Variants in GABRE observed in about 807,000 individuals in gnomAD.
The protein encoded by GABRE is gamma-aminobutyric acid receptor subunit epsilon.
GABRE carries 20 observed loss-of-function variants against 31.0 expected under a neutral mutation model. The ratio of observed to expected loss-of-function variants is 0.64; its 90% CI spans 0.45 to 0.94. The LOEUF is 0.94. GABRE is among the 40% of genes least tolerant of loss of function. The probability of loss-of-function intolerance (pLI) is 0.00; values close to 1 mark genes in which losing one functional copy is unlikely to be tolerated. For synonymous variants in GABRE, 155 were observed against 150.6 expected, an observed-to-expected ratio of 1.03 and a Z score of -0.21; for missense variants, 420 against 410.7, an observed-to-expected ratio of 1.02 and a Z score of -0.20.
intron 6 of GABRE, chrX:151,959,554 T>C: frequency 2.4e-6 from 1 of 416,306 alleles, no homozygotes; most frequent in African/African-American, 2.4e-5. Flanking sequence ...CTGAAGGGTC[T>C]GCATGAAAAA....
At chrX:151,960,785 G>T (rs1285817860) in intron 5 of GABRE, among the ~76,000 whole-genome samples, 1 of 111,571 alleles carries the variant, frequency 9.0e-6, no homozygotes, top group African/African-American at 3.3e-5. Flanking sequence ...GATAGAGACT[G>T]GGAGGAAACA....
At position 151,970,373 on chromosome X, in the gene GABRE, T is replaced by C; in HGVS notation, c.86A>G (p.Asn29Ser). 1 of 1,211,142 alleles carries C rather than the reference T, an allele frequency of 8.3e-7. No homozygotes were observed. The highest frequency in any genetic ancestry group is 1.1e-6 in the Non-Finnish European group (1 of 895,401). ...RVEGPQTESK[N>S]EASSRDVVYG... Reference sequence around the variant, plus strand: ...GACAACATCACGGGAAGAGGCTTCATTCTTTGATTCAGTCTGAGGTCCCTC... The same window carrying C: ...GACAACATCACGGGAAGAGGCTTCACTCTTTGATTCAGTCTGAGGTCCCTC... Residue 29 changes from asparagine to serine, a missense_variant, in exon 2 of 9, where the codon AAT becomes AGT. Physicochemically the swap from Asn to Ser is conservative, Grantham distance 46 (BLOSUM62 1). Coordinates refer to ENST00000370328, the MANE Select transcript of GABRE (RefSeq NM_004961.4).
intron 3 of GABRE, chrX:151,969,380 GAAGAA>G (rs1233454941): frequency 1.4e-5 from 3 of 220,552 alleles, no homozygotes; most frequent in Non-Finnish European, 2.4e-5. Flanking sequence ...ATAATTATCA[GAAGAA>G]AAGAGGCAGT....
chrX:151,955,841 C>T lies in GABRE; in HGVS notation c.804G>A (p.Thr268=), dbSNP rs1934150263. The change falls in exon 7 of 9, where the codon ACG becomes ACA. Residue 268 remains threonine (T), a synonymous_variant. Coordinates refer to ENST00000370328, the MANE Select transcript of GABRE (RefSeq NM_004961.4). ...TTPVGDFMVM[T]IFFNVSRRFG... ...ACCGCCTGCTCACATTGAAGAAAAT[C>T]GTCATGACCATGAAGTCACCTGAAA... 4 of 1,211,803 alleles carry T rather than the reference C, an allele frequency of 3.3e-6. No homozygotes were observed. The highest frequency in any genetic ancestry group is 2.2e-5 in the Admixed American group (1 of 46,075).
rs5970170 is a variant in GABRE at position 151,953,776 on chromosome X, T to C, written c.*925A>G. 0.13 allele frequency: 14,376 copies of C among 110,826 alleles called. 709 individuals are homozygous for C. The highest frequency in any genetic ancestry group is 0.18 in the South Asian group (472 of 2,593). 9.1% of individuals were successfully genotyped at this position (110,826 alleles called of 1,213,427 possible). ...TGGGTGGGCACCAATCAATGGCGAG[T>C]AATGCCTGTTGCAAAGCCGAGTTTC... is the stretch of plus-strand genomic sequence containing the variant. On this transcript the variant is annotated 3_prime_UTR_variant, in exon 9 of 9. Transcript: ENST00000370328.
chrX:151,969,854 G>C, intron 2 of GABRE, 118 bp from the exon 3 acceptor site: 1 of 1,109,060 alleles, frequency 9.0e-7, no homozygotes, highest in East Asian at 3.1e-5. Flanking sequence ...CACAGTTTCA[G>C]CATCTAATCC....
At chrX:151,968,449 G>A (rs1408701436) in intron 3 of GABRE, among the ~76,000 whole-genome samples, 1 of 112,489 alleles carries the variant, frequency 8.9e-6, no homozygotes, top group Non-Finnish European at 1.9e-5. Flanking sequence ...CTCATGGTTT[G>A]GGAGTGGGGA....
chrX:151,970,828 C>T (rs974828273), intron 1 of GABRE, among the ~76,000 whole-genome samples: 4 of 111,968 alleles, frequency 3.6e-5, no homozygotes, highest in African/African-American at 1.3e-4. Flanking sequence ...AAAGCCAGAG[C>T]GGCCTCTCCC....
chrX:151,965,949 T>C (rs964913252), intron 3 of GABRE, among the ~76,000 whole-genome samples: 11 of 112,162 alleles, frequency 9.8e-5, no homozygotes, highest in African/African-American at 3.6e-4. Context: ...ACAAATGTCT[T>C]CCAAGTGTTT....
chrX:151,964,696 T>C (rs188908441), intron 3 of GABRE, among the ~76,000 whole-genome samples: 143 of 111,832 alleles, frequency 1.3e-3, no homozygotes, highest in African/African-American at 4.4e-3. Context: ...ACAGTGGAGT[T>C]TCCCCTTTCA....
intron 2 of GABRE, 89 bp downstream of exon 2, chrX:151,970,096 C>A: frequency 8.6e-7 from 1 of 1,166,831 alleles, no homozygotes; most frequent in South Asian, 2.0e-5. Flanking sequence ...AGCATGGCAC[C>A]CTCTGTTACT....
chrX:151,954,605 C>CCTG lies in GABRE; in HGVS notation c.*93_*95dup. ...TGGGGCAGGAAAAACTCTAGTCGCTCCTGCTGCTGCTGCTGCTTTCCCCCA... is the reference window on the plus strand; with the variant it reads ...TGGGGCAGGAAAAACTCTAGTCGCTCCTGCTGCTGCTGCTGCTGCTTTCCCCCA... On this transcript the variant is annotated 3_prime_UTR_variant, in exon 9 of 9. Transcript: ENST00000370328. 5 of 643,542 alleles carry CCTG rather than the reference C, an allele frequency of 7.8e-6. No individual in the cohort carries two copies. Among genetic ancestry groups the CCTG allele is most frequent in the Admixed American group, 3.9e-5 (1 of 25,423 alleles). 53.0% of individuals were successfully genotyped at this position (643,542 alleles called of 1,213,427 possible). A position where few individuals can be genotyped will look rare whatever the true frequency, so the allele number is the denominator to read the frequency against.
At chrX:151,960,119 T>C (rs1934315125) in intron 5 of GABRE, 143 bp from the exon 6 acceptor site, 1 of 518,541 alleles carries the variant, frequency 1.9e-6, no homozygotes, top group Non-Finnish European at 3.1e-6. Flanking sequence ...TCTTACCTCA[T>C]TGTTGAAGTC....
chrX:151,962,583 C>T lies in GABRE; in HGVS notation c.403G>A (p.Asp135Asn), dbSNP rs887036619. The change falls in exon 4 of 9, where the codon GAC (aspartate) becomes AAC (asparagine). Residue 135 changes from aspartate (D) to asparagine (N), a missense_variant. Coordinates refer to ENST00000370328, the MANE Select transcript of GABRE (RefSeq NM_004961.4). ...TTCAGAACAAGAGACTCAAAGGTGTCGTTGTAACAGAGGCGTTCGTCGTAC... is the reference window on the plus strand; with the variant it reads ...TTCAGAACAAGAGACTCAAAGGTGTTGTTGTAACAGAGGCGTTCGTCGTAC... ...TWYDERLCYN[D>N]TFESLVLNGN... 8.3e-6 allele frequency: 10 copies of T among 1,209,295 alleles called. No individual in the cohort carries two copies. The highest frequency in any genetic ancestry group is 3.0e-5 in the East Asian group (1 of 33,724).
intron 5 of GABRE, among the ~76,000 whole-genome samples, chrX:151,960,520 A>G (rs1157349331): frequency 8.9e-6 from 1 of 111,981 alleles, no homozygotes; most frequent in Non-Finnish European, 1.9e-5. Flanking sequence ...TGAGGTGCAC[A>G]GGATTGGGTG....
At chrX:151,958,407 T>C (rs1199477064) in intron 6 of GABRE, 1 of 267,888 alleles carries the variant, frequency 3.7e-6, no homozygotes, top group Non-Finnish European at 6.9e-6. Flanking sequence ...ACTGGAAGAG[T>C]TTGAGACCAG....
chrX:151,969,075 A>G (rs1421371575), intron 3 of GABRE, among the ~76,000 whole-genome samples: 3 of 112,349 alleles, frequency 2.7e-5, no homozygotes, highest in Non-Finnish European at 5.6e-5. Flanking sequence ...GTCTGGGAAC[A>G]CCAATATTCT....
At position 151,955,128 on chromosome X, in the gene GABRE, T is replaced by G. The variant is rs202234002; in HGVS notation, c.1138-44A>C. 1.9e-4 allele frequency: 230 copies of G among 1,187,215 alleles called. No homozygotes were observed. The African/African-American group carries it at 3.9e-3, about 20-fold the overall frequency. Reference sequence around the variant, plus strand: ...GAAGTGGGGAAAAGTCAAGGGAAGATAACCCAAGTCTAAGTGCTGCCTCCG... The same window carrying G: ...GAAGTGGGGAAAAGTCAAGGGAAGAGAACCCAAGTCTAAGTGCTGCCTCCG... On this transcript the variant is annotated intron_variant, in intron 8 of 8. Coordinates refer to ENST00000370328, the MANE Select transcript of GABRE (RefSeq NM_004961.4).
At chrX:151,974,521 A>T in intron 1 of GABRE, 49 bp downstream of exon 1, 2 of 697,516 alleles carry the variant, frequency 2.9e-6, no homozygotes, top group Non-Finnish European at 4.0e-6. Flanking sequence ...GCTCCCGGGG[A>T]GAGGGAGCTG....
Sources: gnomAD v4.1 joint callset for allele counts (sites outside exome capture counted in the v4.1 genomes callset) on GRCh38, gnomAD v4.1.1 for gene constraint, MANE v1.5 for transcripts, NCBI Gene and HGNC (gene_info 2026-07-23, HGNC 2026-07-21) for gene names.